NTRK3: variants seen among roughly 807,000 people sequenced by gnomAD.
NTRK3 encodes the protein NT-3 growth factor receptor.
A neutral mutation model predicts 91.7 loss-of-function variants in NTRK3; 24 were observed. The observed-to-expected ratio is 0.26, with a 90% CI of 0.19 to 0.37. The LOEUF is 0.37. Among genes scored for constraint, NTRK3 ranks in the 10% least tolerant of loss-of-function variants. The pLI is 1.00. For synonymous variants in NTRK3, 483 were observed against 404.0 expected, an observed-to-expected ratio of 1.20 and a Z score of -2.34; for missense variants, 880 against 1,068.9, an observed-to-expected ratio of 0.82 and a Z score of 2.46.
At chr15:87,992,875 A>C (rs1313689719) in intron 14 of NTRK3, among the ~76,000 whole-genome samples, 1 of 152,168 alleles carries the variant, frequency 6.6e-6, no homozygotes, top group South Asian at 2.1e-4. Flanking sequence ...TCTATTTCCC[A>C]TGTGATAGAT....
At chr15:87,967,962 C>T (rs1327658949) in intron 14 of NTRK3, among the ~76,000 whole-genome samples, 7 of 152,164 alleles carry the variant, frequency 4.6e-5, no homozygotes, top group Non-Finnish European at 1.0e-4. Flanking sequence ...TCAGAATCTG[C>T]TTGTGCCTGT....
chr15:87,882,415 G>C (rs1412354802), intron 17 of NTRK3, among the ~76,000 whole-genome samples: 1 of 152,134 alleles, frequency 6.6e-6, no homozygotes, highest in Non-Finnish European at 1.5e-5. Context: ...AAAAAATGCA[G>C]AGCAAATAAG....
chr15:88,245,715 C>T (rs2052755511), intron 3 of NTRK3, among the ~76,000 whole-genome samples: 2 of 152,120 alleles, frequency 1.3e-5, no homozygotes, highest in African/African-American at 4.8e-5. Flanking sequence ...CACACACACA[C>T]GTGCTCATTG....
At chr15:88,190,359 A>C (rs2047290437) in intron 3 of NTRK3, among the ~76,000 whole-genome samples, 1 of 152,140 alleles carries the variant, frequency 6.6e-6, no homozygotes, top group Non-Finnish European at 1.5e-5. Flanking sequence ...TTTTAAACAG[A>C]GTAGACAGAT....
intron 3 of NTRK3, among the ~76,000 whole-genome samples, chr15:88,195,302 C>T (rs1302576296): frequency 6.6e-6 from 1 of 152,228 alleles, no homozygotes; most frequent in Non-Finnish European, 1.5e-5. Context: ...TATTGTGTCT[C>T]TCTCCTAATG....
At chr15:87,939,776 C>G (rs1334058335) in intron 15 of NTRK3, among the ~76,000 whole-genome samples, 1 of 152,210 alleles carries the variant, frequency 6.6e-6, no homozygotes, top group African/African-American at 2.4e-5. Context: ...AGAAGGGCTC[C>G]AGAGATCTGT....
intron 13 of NTRK3, among the ~76,000 whole-genome samples, chr15:88,109,910 A>G (rs1002308972): frequency 2.6e-5 from 4 of 152,184 alleles, no homozygotes; most frequent in African/African-American, 9.7e-5. Flanking sequence ...CCCTCAACAC[A>G]TTAACTGAGT....
At chr15:88,252,676 C>A (rs2053538967) in intron 3 of NTRK3, 1 of 152,304 alleles carries the variant, frequency 6.6e-6, no homozygotes, top group Non-Finnish European at 1.5e-5. Context: ...ACGTCACAGC[C>A]TGGTTGGGTG....
intron 3 of NTRK3, among the ~76,000 whole-genome samples, chr15:88,249,760 G>A (rs146937222): frequency 8.5e-5 from 13 of 152,206 alleles, no homozygotes; most frequent in Admixed American, 6.5e-4. Context: ...CCAACACACC[G>A]GGCCACCAGG....
At chr15:87,954,034 G>A (rs573131643) in intron 14 of NTRK3, among the ~76,000 whole-genome samples, 1 of 150,236 alleles carries the variant, frequency 6.7e-6, no homozygotes, top group Non-Finnish European at 1.5e-5. Context: ...GTGTGTGTGT[G>A]TGTGTGTGTG....
At chr15:87,897,276 C>T (rs2066183444) in intron 17 of NTRK3, among the ~76,000 whole-genome samples, 1 of 152,150 alleles carries the variant, frequency 6.6e-6, no homozygotes, top group African/African-American at 2.4e-5. Context: ...CCTTTTATAA[C>T]TTATTTTGTT....
intron 6 of NTRK3, among the ~76,000 whole-genome samples, chr15:88,138,911 A>T (rs1171733763): frequency 1.3e-5 from 2 of 152,230 alleles, no homozygotes; most frequent in Non-Finnish European, 2.9e-5. Flanking sequence ...GTTAAAGGAA[A>T]GAGAGAAAAA....
chr15:88,099,914 A>G (rs1173007337), intron 13 of NTRK3, among the ~76,000 whole-genome samples: 1 of 152,146 alleles, frequency 6.6e-6, no homozygotes, highest in Non-Finnish European at 1.5e-5. Flanking sequence ...GGATTTGGGG[A>G]GGGGGACATG....
In NTRK3 at chr15:87,954,007, AGTGTGTGTGTGTGTGTGTGTGTGTGT is replaced by A. The variant is rs61653896; in HGVS notation, c.1586-13280_1586-13255del. On this transcript the variant is annotated intron_variant, in intron 14 of 18. Coordinates refer to ENST00000394480, the Ensembl canonical transcript of NTRK3. ...TGCTCTGCTCCTGCCAGACCTTTTCAGTGTGTGTGTGTGTGTGTGTGTGTGTGTGTGTGTGTGTGTGTGTGTGTGTG... is the reference window on the plus strand; with the variant it reads ...TGCTCTGCTCCTGCCAGACCTTTTCAGTGTGTGTGTGTGTGTGTGTGTGTG... Among the ~76,000 whole-genome samples the A allele has an allele frequency of 3.3e-3, 416 of 127,730 alleles. 1 individual carries two copies. Among genetic ancestry groups the A allele is most frequent in the African/African-American group, 0.011 (391 of 34,586 alleles). The allele number at this position is 127,730 out of a possible 152,430, so 83.8% of individuals were successfully genotyped here. A position where few individuals can be genotyped will look rare whatever the true frequency, so the allele number is the denominator to read the frequency against.
At chr15:87,877,454 T>C (rs1015940355) in intron 18 of NTRK3, among the ~76,000 whole-genome samples, 6 of 152,166 alleles carry the variant, frequency 3.9e-5, no homozygotes, top group African/African-American at 1.4e-4. Context: ...ATGACTGAGC[T>C]GCATTCATTT....
At chr15:88,057,131 T>G (rs1480797794) in intron 13 of NTRK3, among the ~76,000 whole-genome samples, 1 of 140,634 alleles carries the variant, frequency 7.1e-6, no homozygotes, top group African/African-American at 2.7e-5. Flanking sequence ...ATCGCGCCAC[T>G]GCACTCCAGC....
chr15:88,224,299 T>G (rs1427710931), intron 3 of NTRK3, among the ~76,000 whole-genome samples: 3 of 152,188 alleles, frequency 2.0e-5, no homozygotes, highest in Non-Finnish European at 4.4e-5. Flanking sequence ...TAGGACAGGC[T>G]GAACAGTTGG....
intron 13 of NTRK3, among the ~76,000 whole-genome samples, chr15:88,112,052 A>G (rs372733504): frequency 7.0e-4 from 106 of 151,828 alleles, no homozygotes; most frequent in East Asian, 4.5e-3. Context: ...GACTACAGGC[A>G]CCCGCCACCA....
chr15:88,163,134 C>A, intron 5 of NTRK3, among the ~76,000 whole-genome samples: 1 of 152,182 alleles, frequency 6.6e-6, no homozygotes, highest in East Asian at 1.9e-4. Flanking sequence ...GGTGCCCCTC[C>A]TCCAGGCTCC....
Sources: allele counts gnomAD v4.1 joint callset (sites outside exome capture counted in the v4.1 genomes callset), GRCh38; gene constraint gnomAD v4.1.1; transcripts MANE v1.5; gene names NCBI Gene and HGNC (gene_info 2026-07-23, HGNC 2026-07-21).